The following SOS2 variants were observed in gnomAD, a reference collection of about 807,000 sequenced individuals.
SOS2 encodes son of sevenless homolog 2.
A neutral mutation model predicts 148.2 loss-of-function variants in SOS2; 65 were observed. That is an observed-to-expected ratio of 0.44 (90% confidence interval 0.36 to 0.54). The LOEUF (loss-of-function observed/expected upper bound fraction) is 0.54. Among genes scored for constraint, SOS2 ranks in the 20% least tolerant of loss-of-function variants. The pLI is 0.00. For synonymous variants in SOS2, 539 were observed against 537.1 expected (o/e 1.00, Z -0.05); for missense variants, 1,341 against 1,590.2 (o/e 0.84, Z 2.67).
chr14:50,166,288 T>C (rs1191340538), intron 8 of SOS2, among the ~76,000 whole-genome samples: 1 of 152,160 alleles, frequency 6.6e-6, no homozygotes, highest in Non-Finnish European at 1.5e-5. Flanking sequence ...AGTGGCACGA[T>C]CTCGGCTCAC....
chr14:50,230,529 C>G (rs761605748), intron 1 of SOS2, among the ~76,000 whole-genome samples: 6 of 152,320 alleles, frequency 3.9e-5, no homozygotes, highest in Non-Finnish European at 8.8e-5. Context: ...GGAGTTGCCC[C>G]TTTCTTGTTC....
At chr14:50,198,150 T>C (rs1366517639) in intron 4 of SOS2, among the ~76,000 whole-genome samples, 2 of 152,154 alleles carry the variant, frequency 1.3e-5, no homozygotes, top group African/African-American at 4.8e-5. Context: ...ACTTGAATGA[T>C]GTTTGAAAGT....
chr14:50,230,764 A>G (rs908397677), intron 1 of SOS2: 1 of 246,022 alleles, frequency 4.1e-6, no homozygotes, highest in Non-Finnish European at 6.5e-6. Flanking sequence ...CCATTGCCTC[A>G]TAAGTGGATA....
intron 3 of SOS2, among the ~76,000 whole-genome samples, chr14:50,200,383 T>C (rs934343807): frequency 6.6e-6 from 1 of 152,124 alleles, no homozygotes; most frequent in Admixed American, 6.6e-5. Context: ...CTAGTCCACT[T>C]TTCCAGTATA....
At chr14:50,161,689 A>G in intron 8 of SOS2, 80 bp from the exon 9 acceptor site, 1 of 1,303,754 alleles carries the variant, frequency 7.7e-7, no homozygotes, top group Non-Finnish European at 1.1e-6. Flanking sequence ...AAAAGCAGCA[A>G]CAAATATTAT....
At chr14:50,189,348 A>AAAAAAAAAAAAAAGAAAAAAAAAAAAAT (rs60224462) in intron 4 of SOS2, among the ~76,000 whole-genome samples, 1 of 146,482 alleles carries the variant, frequency 6.8e-6, no homozygotes, top group Non-Finnish European at 1.5e-5. Context: ...AAAAAAAAAA[A>AAAAAAAAAAAAAAGAAAAAAAAAAAAAT]GCAAGCCTGT....
chr14:50,202,133 T>G (rs921760698), intron 2 of SOS2, among the ~76,000 whole-genome samples: 2 of 152,166 alleles, frequency 1.3e-5, no homozygotes, highest in African/African-American at 4.8e-5. Flanking sequence ...TGGCTAATTT[T>G]TCTATTTTTT....
intron 21 of SOS2, among the ~76,000 whole-genome samples, chr14:50,121,485 A>G (rs1594953284): frequency 7.2e-6 from 1 of 139,020 alleles, no homozygotes; most frequent in African/African-American, 2.7e-5. Context: ...TTCTATGTCA[A>G]AAATTGCTAT....
chr14:50,139,313 T>C (rs769860616), intron 17 of SOS2, among the ~76,000 whole-genome samples: 15 of 152,230 alleles, frequency 9.9e-5, no homozygotes, highest in Non-Finnish European at 1.8e-4. Context: ...TCATGCGTAA[T>C]TGCTGATTCA....
chr14:50,176,002 C>T (rs1885511102), intron 7 of SOS2, among the ~76,000 whole-genome samples: 1 of 152,112 alleles, frequency 6.6e-6, no homozygotes, highest in Non-Finnish European at 1.5e-5. Flanking sequence ...GTTTGTGTTC[C>T]CTCAAAAGTC....
At chr14:50,225,902 C>A (rs1297284518) in intron 1 of SOS2, among the ~76,000 whole-genome samples, 1 of 152,176 alleles carries the variant, frequency 6.6e-6, no homozygotes, top group Non-Finnish European at 1.5e-5. Context: ...TCCACTTATT[C>A]TTCTTGTTTT....
Position 50,203,347 on chromosome 14 carries a change from G to A in SOS2, c.213+937C>T, listed in dbSNP as rs964059285. 1.2e-4 allele frequency among the ~76,000 whole-genome samples: 18 copies of A among 152,102 alleles called. 1 individual carries two copies. The highest frequency in any genetic ancestry group is 3.4e-3 in the Middle Eastern group (1 of 294). On this transcript the variant is annotated intron_variant, in intron 2 of 22. Coordinates refer to ENST00000216373, the MANE Select transcript of SOS2 (RefSeq NM_006939.4). Reference sequence around the variant, plus strand: ...CACACCACTGTACCCCAGCCCGGGCGACAGAGTGAGACTCCATCTCAAAAA... The same window carrying A: ...CACACCACTGTACCCCAGCCCGGGCAACAGAGTGAGACTCCATCTCAAAAA...
At chr14:50,180,706 GC>G (rs1885705617) in intron 6 of SOS2, 24 bp from the exon 7 acceptor site, 1 of 1,285,416 alleles carries the variant, frequency 7.8e-7, no homozygotes, top group South Asian at 1.3e-5. Context: ...AAGAGAAAAA[GC>G]ATTAGGTTTA....
chr14:50,199,576 C>G, intron 4 of SOS2, 115 bp downstream of exon 4: 1 of 561,786 alleles, frequency 1.8e-6, no homozygotes. Flanking sequence ...ATTTTTCTCT[C>G]TTCCAGTACT....
intron 1 of SOS2, among the ~76,000 whole-genome samples, chr14:50,224,324 C>T (rs1255830838): frequency 0.057 from 4,600 of 80,766 alleles, 248 homozygotes; most frequent in East Asian, 0.091. Context: ...TACACACACA[C>T]ACACACACAC....
In SOS2 at chr14:50,193,160, G is replaced by C. The variant is rs139796990; in HGVS notation, c.511-4460C>G. On this transcript the variant is annotated intron_variant, in intron 4 of 22. Coordinates refer to ENST00000216373, the MANE Select transcript of SOS2 (RefSeq NM_006939.4). ...TTTTTTTTATTTTTAGTAGAGATGA[G>C]GTCTTGCTATATTCCCCAGGGTATC... 2.0e-3 allele frequency among the ~76,000 whole-genome samples: 304 copies of C among 151,996 alleles called. 2 individuals are homozygous for C. Among genetic ancestry groups the C allele is most frequent in the African/African-American group, 6.4e-3 (266 of 41,464 alleles).
chr14:50,124,204 A>G (rs1566816817), intron 21 of SOS2, among the ~76,000 whole-genome samples: 1 of 152,218 alleles, frequency 6.6e-6, no homozygotes, highest in Non-Finnish European at 1.5e-5. Flanking sequence ...AAACGATACA[A>G]GACTGAACAA....
chr14:50,183,200 C>T (rs560473087), intron 5 of SOS2, among the ~76,000 whole-genome samples: 63 of 152,258 alleles, frequency 4.1e-4, no homozygotes, highest in African/African-American at 1.4e-3. Context: ...GCCCCCCTTA[C>T]ACCCATGACC....
intron 21 of SOS2, among the ~76,000 whole-genome samples, chr14:50,128,197 GA>G (rs1320716219): frequency 2.6e-5 from 4 of 152,024 alleles, no homozygotes; most frequent in Non-Finnish European, 5.9e-5. Flanking sequence ...GACAATGAAA[GA>G]AAGTTCTAGG....
Sources: gnomAD v4.1 joint callset for allele counts (sites outside exome capture counted in the v4.1 genomes callset) on GRCh38, gnomAD v4.1.1 for gene constraint, MANE v1.5 for transcripts, NCBI Gene and HGNC (gene_info 2026-07-23, HGNC 2026-07-21) for gene names.